Variants in NRG2 observed in about 807,000 individuals in gnomAD.
NRG2 encodes neuregulin 2, also known as pro-neuregulin-2, membrane-bound isoform.
A neutral mutation model predicts 73.9 loss-of-function variants in NRG2; 27 were observed. The observed-to-expected ratio is 0.37, with a 90% confidence interval of 0.27 to 0.50. The LOEUF (loss-of-function observed/expected upper bound fraction) is 0.50, where lower values mean the gene tolerates loss of function less well. Among genes scored for constraint, NRG2 ranks in the 20% least tolerant of loss-of-function variants. The probability of loss-of-function intolerance (pLI) is 0.96; values close to 1 mark genes in which losing one functional copy is unlikely to be tolerated. For missense variants in NRG2, 1,126 were observed against 1,210.1 expected (o/e 0.93, Z 1.03); for synonymous variants, 532 against 541.0 (o/e 0.98, Z 0.23).
Position 140,043,017 on chromosome 5 carries a change from C to G in NRG2, c.53G>C (p.Arg18Pro). ...GCTGCTGTCGCTGTAGCTGCTGCAC[C>G]GACCCTTCTCCAGTGGCGGCGGCGG... is the stretch of plus-strand genomic sequence containing the variant. Reference protein sequence around the residue: ...ALPPPPLEKGRCSSYSDSSSS... With the variant: ...ALPPPPLEKGPCSSYSDSSSS... Residue 18 changes from arginine (R) to proline (P), a missense_variant, in exon 1 of 10, where the codon CGG (arginine) becomes CCG (proline). Arg to Pro is a moderately radical substitution (Grantham distance 103). This residue lies in a region of NRG2 where 185 missense variants were observed against 149.0 expected (regional missense o/e 1.24). Transcript: ENST00000361474. This position sits in a 1 kb window ranked among gnomAD's most constrained non-coding sequence, Gnocchi z 6.7. 1.3e-6 allele frequency: 2 copies of G among 1,575,380 alleles called. No homozygotes were observed. Among genetic ancestry groups the G allele is most frequent in the Admixed American group, 1.8e-5 (1 of 56,328 alleles).
chr5:139,945,273 G>A (rs1753723036), intron 1 of NRG2, among the ~76,000 whole-genome samples: 1 of 151,848 alleles, frequency 6.6e-6, no homozygotes, highest in South Asian at 2.1e-4. Context: ...AATCCCATTT[G>A]TTTATTTTTG....
At chr5:140,028,424 T>C (rs997824042) in intron 1 of NRG2, among the ~76,000 whole-genome samples, 2 of 152,220 alleles carry the variant, frequency 1.3e-5, no homozygotes, top group Non-Finnish European at 2.9e-5. Context: ...CCCAAATCTA[T>C]CCCAGTGTTG....
chr5:140,042,307 A>T, intron 1 of NRG2, 63 bp downstream of exon 1: 2 of 493,088 alleles, frequency 4.1e-6, no homozygotes. Context: ...TCCCCGCCCC[A>T]CCCCCATTCT....
intron 1 of NRG2, among the ~76,000 whole-genome samples, chr5:139,942,481 A>C (rs1753474781): frequency 6.6e-6 from 1 of 152,190 alleles, no homozygotes; most frequent in African/African-American, 2.4e-5. Flanking sequence ...GTGTTTTCCC[A>C]ACTATTCTCA....
chr5:139,917,105 C>T (rs1342896283), intron 1 of NRG2, among the ~76,000 whole-genome samples: 1 of 151,802 alleles, frequency 6.6e-6, no homozygotes, highest in Non-Finnish European at 1.5e-5. Context: ...TTGATTCTAG[C>T]TATCCCAATG....
At chr5:139,885,032 G>A (rs1763775459) in intron 2 of NRG2, among the ~76,000 whole-genome samples, 1 of 152,192 alleles carries the variant, frequency 6.6e-6, no homozygotes. Flanking sequence ...ACAGCAGGCA[G>A]GGGAGAGGCC....
chr5:139,991,013 T>G (rs1446081252), intron 1 of NRG2, among the ~76,000 whole-genome samples: 1 of 152,096 alleles, frequency 6.6e-6, no homozygotes, highest in Non-Finnish European at 1.5e-5. Context: ...CGGTGGCTCA[T>G]GCCTGTAATC....
Position 139,915,045 on chromosome 5 carries a change from T to C in NRG2, c.701-27534A>G, listed in dbSNP as rs1751148822. ...GTTGCGATCCCTGCACTCCCATACA[T>C]GGCCCCAGGGTGTGGCTCCAGTAAT... On this transcript the variant is annotated intron_variant, in intron 1 of 9. Coordinates refer to ENST00000361474, the MANE Select transcript of NRG2 (RefSeq NM_004883.3). This position sits in a 1 kb window ranked among gnomAD's most constrained non-coding sequence, Gnocchi z 4.0. Among the ~76,000 whole-genome samples, 1 of 152,140 alleles carries C rather than the reference T, an allele frequency of 6.6e-6. No homozygotes were observed. The highest frequency in any genetic ancestry group is 2.4e-5 in the African/African-American group (1 of 41,430).
intron 1 of NRG2, among the ~76,000 whole-genome samples, chr5:139,928,827 C>T (rs542058125): frequency 1.3e-5 from 2 of 152,314 alleles, no homozygotes; most frequent in South Asian, 4.1e-4. Context: ...AGCTGAAAAT[C>T]CAGAGTTGTC....
At chr5:139,921,169 T>A (rs1005077640) in intron 1 of NRG2, among the ~76,000 whole-genome samples, 2 of 152,212 alleles carry the variant, frequency 1.3e-5, no homozygotes, top group Admixed American at 1.3e-4. Context: ...TGTCAGTTCT[T>A]CCCAACTTGA....
chr5:139,964,769 C>G (rs1475259471), intron 1 of NRG2, among the ~76,000 whole-genome samples: 1 of 152,232 alleles, frequency 6.6e-6, no homozygotes, highest in Non-Finnish European at 1.5e-5. Context: ...TGGGTCCTAT[C>G]AAGTCCAGAG....
chr5:139,950,639 A>C (rs781380430), intron 1 of NRG2, among the ~76,000 whole-genome samples: 2 of 152,210 alleles, frequency 1.3e-5, no homozygotes, highest in Non-Finnish European at 2.9e-5. Flanking sequence ...TTCCTGGGGC[A>C]AATACTTTCC....
intron 1 of NRG2, among the ~76,000 whole-genome samples, chr5:139,921,549 A>C (rs1340513924): frequency 6.6e-6 from 1 of 152,132 alleles, no homozygotes; most frequent in African/African-American, 2.4e-5. Flanking sequence ...CTTAACAGCT[A>C]CCTGTAAAAA....
chr5:139,904,249 G>A lies in NRG2; in HGVS notation c.701-16738C>T. The A allele has an allele frequency of 3.9e-6, 6 of 1,541,470 alleles. No individual in the cohort carries two copies. The highest frequency in any genetic ancestry group is 4.3e-6 in the Non-Finnish European group (5 of 1,149,996). The stretch of plus-strand genomic sequence containing the variant: ...CCCGCGCTGCGCTGGGGGCGGGTGA[G>A]CGGGCGGCAGGTTTCTCCCAGGGAA... On this transcript the variant is annotated intron_variant, in intron 1 of 9. Transcript: ENST00000361474. The surrounding 1 kb of genome is among the most constrained non-coding windows in gnomAD (Gnocchi z 6.0).
chr5:139,942,194 C>T (rs959271903), intron 1 of NRG2, among the ~76,000 whole-genome samples: 2 of 152,068 alleles, frequency 1.3e-5, no homozygotes, highest in African/African-American at 4.8e-5. Context: ...TTATTTCAGT[C>T]AAAAAATGCA....
Position 139,865,285 on chromosome 5 carries a change from C to A in NRG2, c.1189+264G>T. 1 of 910,250 alleles carries A rather than the reference C, an allele frequency of 1.1e-6. No homozygotes were observed. The highest frequency in any genetic ancestry group is 1.4e-5 in the South Asian group (1 of 73,132). The allele number at this position is 910,250 out of a possible 1,614,324, so 56.4% of individuals were successfully genotyped here. A position where few individuals can be genotyped will look rare whatever the true frequency, so the allele number is the denominator to read the frequency against. ...CCAGCTGGGTTCCTTGCCACCGTTA[C>A]CATTTGTATTGGCCTTGCCACTCTG... On this transcript the variant is annotated intron_variant, in intron 5 of 9. Coordinates refer to ENST00000361474, the MANE Select transcript of NRG2 (RefSeq NM_004883.3). This position sits in a 1 kb window ranked among gnomAD's most constrained non-coding sequence, Gnocchi z 5.2.
At chr5:139,935,958 T>TAAAAAAAAAAAAAAAAAA (rs554574182) in intron 1 of NRG2, among the ~76,000 whole-genome samples, 1 of 122,266 alleles carries the variant, frequency 8.2e-6, no homozygotes, top group Admixed American at 8.6e-5. Context: ...GACTCTGTCT[T>TAAAAAAAAAAAAAAAAAA]AAAAAAAAAA....
intron 1 of NRG2, among the ~76,000 whole-genome samples, chr5:139,891,825 A>C (rs919602688): frequency 6.6e-6 from 1 of 152,218 alleles, no homozygotes; most frequent in Non-Finnish European, 1.5e-5. Flanking sequence ...TATTTTGTAC[A>C]TTAAAAAAAA....
intron 1 of NRG2, among the ~76,000 whole-genome samples, chr5:140,025,926 C>A (rs920412574): frequency 2.0e-5 from 3 of 152,302 alleles, no homozygotes; most frequent in South Asian, 2.1e-4. Context: ...ATAGACTAGG[C>A]CTTTATGTTT....
Sources: allele counts gnomAD v4.1 joint callset (sites outside exome capture counted in the v4.1 genomes callset), GRCh38; gene constraint gnomAD v4.1.1; regional missense constraint gnomAD v4.1.1; non-coding constraint Gnocchi (gnomAD v3.1); transcripts MANE v1.5; gene names NCBI Gene and HGNC (gene_info 2026-07-23, HGNC 2026-07-21).